Variants in PLCB4 observed in about 807,000 individuals in gnomAD.
PLCB4 encodes 1-phosphatidylinositol 4,5-bisphosphate phosphodiesterase beta-4.
Under a neutral mutation model 178.8 loss-of-function variants are expected in PLCB4, and 77 were observed. That is an observed-to-expected ratio of 0.43 (90% CI 0.36 to 0.52). PLCB4 has a LOEUF of 0.52. PLCB4 is among the 20% of genes least tolerant of loss of function. PLCB4 has a pLI of 0.00. For synonymous variants in PLCB4, 496 were observed against 490.8 expected, an observed-to-expected ratio of 1.01 and a Z score of -0.14; for missense variants, 1,024 against 1,453.4, an observed-to-expected ratio of 0.70 and a Z score of 4.80.
intron 3 of PLCB4, among the ~76,000 whole-genome samples, chr20:9,245,845 G>C (rs1404559944): frequency 6.6e-6 from 1 of 151,886 alleles, no homozygotes. Context: ...TATTGGCCAG[G>C]CTGGTCTCGA....
At chr20:9,267,991 A>G (rs1188442572) in intron 3 of PLCB4, among the ~76,000 whole-genome samples, 2 of 152,256 alleles carry the variant, frequency 1.3e-5, no homozygotes, top group South Asian at 2.1e-4. Flanking sequence ...TGTCACTTCT[A>G]TAGAGAGTCT....
intron 1 of PLCB4, among the ~76,000 whole-genome samples, chr20:9,074,539 A>G (rs2089738199): frequency 6.6e-6 from 1 of 152,170 alleles, no homozygotes; most frequent in African/African-American, 2.4e-5. Context: ...GCAGCCTGAG[A>G]AAATTCCTAT....
At chr20:9,089,812 A>T (rs1258587372) in intron 1 of PLCB4, among the ~76,000 whole-genome samples, 9 of 152,132 alleles carry the variant, frequency 5.9e-5, no homozygotes, top group Non-Finnish European at 1.3e-4. Flanking sequence ...TTCACACTTG[A>T]TCCTGTTTTT....
At chr20:9,415,452 A>G (rs1481317000) in intron 25 of PLCB4, among the ~76,000 whole-genome samples, 1 of 152,188 alleles carries the variant, frequency 6.6e-6, no homozygotes, top group Non-Finnish European at 1.5e-5. Flanking sequence ...AACTGATGGC[A>G]TCTTAGGTAT....
At chr20:9,388,413 G>A (rs892254775) in intron 15 of PLCB4, among the ~76,000 whole-genome samples, 3 of 151,608 alleles carry the variant, frequency 2.0e-5, no homozygotes, top group African/African-American at 7.3e-5. Flanking sequence ...ACATCACCAT[G>A]GGTATTTTCA....
At chr20:9,118,972 G>A (rs1383321164) in intron 2 of PLCB4, among the ~76,000 whole-genome samples, 4 of 152,066 alleles carry the variant, frequency 2.6e-5, no homozygotes, top group African/African-American at 4.8e-5. Context: ...TTAAGATATC[G>A]GAAGTCTGGT....
At chr20:9,245,779 C>G (rs998654071) in intron 3 of PLCB4, among the ~76,000 whole-genome samples, 3 of 151,276 alleles carry the variant, frequency 2.0e-5, no homozygotes, top group African/African-American at 7.3e-5. Context: ...GGACTCCAGG[C>G]ACATGCCACA....
At chr20:9,076,090 A>G (rs1173310409) in intron 1 of PLCB4, among the ~76,000 whole-genome samples, 2 of 151,768 alleles carry the variant, frequency 1.3e-5, no homozygotes, top group East Asian at 1.9e-4. Context: ...CCTATACCCT[A>G]TTTTTCCAAG....
In PLCB4 at chr20:9,361,226, A is replaced by G. The variant is rs13045315; in HGVS notation, c.370-1670A>G. Among the ~76,000 whole-genome samples, 318 of 152,376 alleles carry G rather than the reference A, an allele frequency of 2.1e-3. 2 individuals are homozygous for G. Among genetic ancestry groups the G allele is most frequent in the Non-Finnish European group, 4.0e-3 (273 of 68,036 alleles). On this transcript the variant is annotated intron_variant, in intron 7 of 39. Coordinates refer to ENST00000378473, the MANE Select transcript of PLCB4 (RefSeq NM_001377142.1). ...GTAACTTATTTGTGTATCAATATTC[A>G]TAGCAGACATGCAATTCACAATGGA...
At chr20:9,266,047 A>T (rs1454651844) in intron 3 of PLCB4, among the ~76,000 whole-genome samples, 1 of 152,230 alleles carries the variant, frequency 6.6e-6, no homozygotes, top group Non-Finnish European at 1.5e-5. Context: ...AAGAGAAATC[A>T]TTTGCTAAAC....
chr20:9,094,970 G>A (rs910025396), intron 1 of PLCB4, among the ~76,000 whole-genome samples: 5 of 152,170 alleles, frequency 3.3e-5, no homozygotes, highest in Admixed American at 6.5e-5. Flanking sequence ...GGGGACCACA[G>A]TACTGCTGGT....
chr20:9,188,036 T>G (rs1385156392), intron 2 of PLCB4, among the ~76,000 whole-genome samples: 1 of 152,240 alleles, frequency 6.6e-6, no homozygotes, highest in Non-Finnish European at 1.5e-5. Flanking sequence ...ATTTCTTCAT[T>G]CATTTCAGCA....
chr20:9,435,486 A>G (rs2041708122), intron 28 of PLCB4, 74 bp from the exon 29 acceptor site: 1 of 888,112 alleles, frequency 1.1e-6, no homozygotes, highest in Non-Finnish European at 1.9e-6. Context: ...ATTGTAGTTT[A>G]TTAAGCAGAG....
At chr20:9,145,509 C>CTT (rs59068139) in intron 2 of PLCB4, among the ~76,000 whole-genome samples, 3,979 of 142,684 alleles carry the variant, frequency 0.028, 168 homozygotes, top group African/African-American at 0.095. Context: ...TATCAAAGTT[C>CTT]TTTTTTTTTT....
chr20:9,139,412 T>C (rs2092444176), intron 2 of PLCB4, among the ~76,000 whole-genome samples: 1 of 152,044 alleles, frequency 6.6e-6, no homozygotes, highest in South Asian at 2.1e-4. Context: ...ACATGGTTAG[T>C]AGTTGATGTG....
intron 2 of PLCB4, among the ~76,000 whole-genome samples, chr20:9,200,780 C>T (rs765513406): frequency 6.6e-6 from 1 of 152,264 alleles, no homozygotes; most frequent in East Asian, 1.9e-4. Context: ...TCACTTCTCT[C>T]AGGTCTTTGC....
intron 2 of PLCB4, among the ~76,000 whole-genome samples, chr20:9,158,626 T>C (rs2092831726): frequency 6.6e-6 from 1 of 151,892 alleles, no homozygotes; most frequent in Non-Finnish European, 1.5e-5. Context: ...AGAGAAACCT[T>C]ACACCTCTAT....
intron 4 of PLCB4, among the ~76,000 whole-genome samples, chr20:9,323,379 G>A (rs779172122): frequency 7.2e-5 from 11 of 151,938 alleles, no homozygotes; most frequent in African/African-American, 1.9e-4. Context: ...ACTCTTTTTT[G>A]TTCATTGCTG....
At chr20:9,223,295 A>G (rs528809994) in intron 3 of PLCB4, among the ~76,000 whole-genome samples, 2 of 152,352 alleles carry the variant, frequency 1.3e-5, no homozygotes, top group East Asian at 1.9e-4. Flanking sequence ...CGAATTTTGC[A>G]GTACATGAAA....
Sources: gnomAD v4.1 joint callset for allele counts (sites outside exome capture counted in the v4.1 genomes callset) on GRCh38, gnomAD v4.1.1 for gene constraint, MANE v1.5 for transcripts, NCBI Gene and HGNC (gene_info 2026-07-23, HGNC 2026-07-21) for gene names.